CHRNA3: variants seen among roughly 807,000 people sequenced by gnomAD.
CHRNA3 encodes cholinergic receptor nicotinic alpha 3 subunit.
A neutral mutation model predicts 41.9 loss-of-function variants in CHRNA3; 34 were observed. The ratio of observed to expected loss-of-function variants is 0.81; its 90% CI spans 0.62 to 1.08. CHRNA3 has a LOEUF of 1.08. Ranked by LOEUF, CHRNA3 falls within the 50% of genes least tolerant of loss-of-function variation. The pLI is 0.00. For synonymous variants in CHRNA3, 281 were observed against 265.2 expected, an observed-to-expected ratio of 1.06 and a Z score of -0.58; for missense variants, 542 against 638.3, an observed-to-expected ratio of 0.85 and a Z score of 1.63.
chr15:78,608,858 T>A (rs1339473085), intron 4 of CHRNA3, among the ~76,000 whole-genome samples: 1 of 152,066 alleles, frequency 6.6e-6, no homozygotes, highest in Non-Finnish European at 1.5e-5. Context: ...AATGGATAAC[T>A]AGAATAACCA....
chr15:78,614,153 T>C (rs1204070943), intron 4 of CHRNA3, among the ~76,000 whole-genome samples: 1 of 152,218 alleles, frequency 6.6e-6, no homozygotes, highest in Non-Finnish European at 1.5e-5. Flanking sequence ...TCATTATTGC[T>C]AAAATCATAA....
chr15:78,608,866 C>T (rs1270375217), intron 4 of CHRNA3, among the ~76,000 whole-genome samples: 2 of 152,088 alleles, frequency 1.3e-5, no homozygotes, highest in African/African-American at 2.4e-5. Context: ...ACTAGAATAA[C>T]CAATGCAGAG....
chr15:78,595,552 G>T lies in CHRNA3; in HGVS notation c.*1052C>A, dbSNP rs1303048442. On this transcript the variant is annotated 3_prime_UTR_variant, in exon 6 of 6. Coordinates refer to ENST00000326828, the MANE Select transcript of CHRNA3 (RefSeq NM_000743.5). ...TGGTGAAGAAGCAAGGTATGTCATT[G>T]GCATCTAGTGAGTTGAGGCTAGGGT... 1 of 233,442 alleles carries T rather than the reference G, an allele frequency of 4.3e-6. No individual in the cohort carries two copies. The highest frequency in any genetic ancestry group is 7.0e-6 in the Non-Finnish European group (1 of 142,638). The allele number at this position is 233,442 out of a possible 1,614,324, so 14.5% of individuals were successfully genotyped here.
chr15:78,601,090 G>A (rs1207228188), intron 5 of CHRNA3, among the ~76,000 whole-genome samples, 163 bp downstream of exon 5: 1 of 152,016 alleles, frequency 6.6e-6, no homozygotes, highest in Non-Finnish European at 1.5e-5. Flanking sequence ...CAGGCTCAGA[G>A]AGGTGAGGTA....
intron 3 of CHRNA3, chr15:78,618,404 T>G: frequency 1.7e-6 from 1 of 576,600 alleles, no homozygotes; most frequent in Non-Finnish European, 3.1e-6. Flanking sequence ...ATCTGGGACT[T>G]GAGGGGTTGG....
At position 78,616,067 on chromosome 15, in the gene CHRNA3, A is replaced by C. The variant is rs542922292; in HGVS notation, c.377+957T>G. On this transcript the variant is annotated intron_variant, in intron 4 of 5. Coordinates refer to ENST00000326828, the MANE Select transcript of CHRNA3 (RefSeq NM_000743.5). ...AAACACCTGTATTTTTAAAAAGCTCATTGGGGCTGGGCATGGTGGCTCATG... is the reference window on the plus strand; with the variant it reads ...AAACACCTGTATTTTTAAAAAGCTCCTTGGGGCTGGGCATGGTGGCTCATG... Among the ~76,000 whole-genome samples, 164 of 103,604 alleles carry C rather than the reference A, an allele frequency of 1.6e-3. 2 individuals are homozygous for C. The highest frequency in any genetic ancestry group is 5.6e-3 in the African/African-American group (153 of 27,100). The allele number at this position is 103,604 out of a possible 152,430, so 68.0% of individuals were successfully genotyped here.
At chr15:78,614,975 C>T (rs2053439362) in intron 4 of CHRNA3, among the ~76,000 whole-genome samples, 1 of 152,070 alleles carries the variant, frequency 6.6e-6, no homozygotes, top group African/African-American at 2.4e-5. Flanking sequence ...GGAGAGGCCT[C>T]CCAAAACTGG....
Position 78,602,120 on chromosome 15 carries a change from G to A in CHRNA3, c.522C>T (p.Thr174=). ...CGTAGGACCAGGAACCGAACTTCAT[G>A]GTACAGTTTTGGTAATCAAACGGGA... is the stretch of plus-strand genomic sequence containing the variant. ...TYFPFDYQNC[T]MKFGSWSYDK... Residue 174 remains threonine (T), a synonymous_variant, in exon 5 of 6, where the codon ACC becomes ACT. Transcript: ENST00000326828. 6.2e-7 allele frequency: 1 copy of A among 1,614,164 alleles called. No individual in the cohort carries two copies.
chr15:78,606,899 C>CA (rs991300504), intron 4 of CHRNA3, among the ~76,000 whole-genome samples: 1 of 151,504 alleles, frequency 6.6e-6, no homozygotes, highest in Non-Finnish European at 1.5e-5. Flanking sequence ...CAAAACAAAA[C>CA]AAAAAACACA....
chr15:78,602,080 C>A lies in CHRNA3; in HGVS notation c.562G>T (p.Asp188Tyr), dbSNP rs759225098. 3.1e-6 allele frequency: 5 copies of A among 1,614,122 alleles called. No homozygotes were observed. In the South Asian group the frequency reaches 4.4e-5, roughly 14 times the overall value. The change falls in exon 5 of 6, where the codon GAT becomes TAT. Residue 188 changes from aspartate to tyrosine, a missense_variant. Transcript: ENST00000326828. Reference sequence around the variant, plus strand: ...ATGGAAGAGCCGATCAGGACCAGATCGATTTTCGCCTTATCGTAGGACCAG... The same window carrying A: ...ATGGAAGAGCCGATCAGGACCAGATAGATTTTCGCCTTATCGTAGGACCAG... ...GSWSYDKAKIDLVLIGSSMNL... is the reference protein window; with the variant it reads ...GSWSYDKAKIYLVLIGSSMNL...
rs2053100791 is a variant in CHRNA3 at position 78,595,952 on chromosome 15, C to T, written c.*652G>A. The T allele has an allele frequency of 1.4e-6, 1 of 717,020 alleles. No individual in the cohort carries two copies. The highest frequency in any genetic ancestry group is 1.7e-6 in the Non-Finnish European group (1 of 586,200). 44.4% of individuals were successfully genotyped at this position (717,020 alleles called of 1,614,324 possible). On this transcript the variant is annotated 3_prime_UTR_variant, in exon 6 of 6. Transcript: ENST00000326828. ...ATTTGCTGGTGCCTTGACCTTGGAC[C>T]TCCCAACCTCCAAAACTGAGAAGTT...
intron 5 of CHRNA3, 115 bp from the exon 6 acceptor site, chr15:78,596,847 T>G: frequency 2.1e-6 from 3 of 1,407,020 alleles, no homozygotes; most frequent in Non-Finnish European, 2.8e-6. Flanking sequence ...GTCTCTAATA[T>G]GTAAGAAGCC....
At position 78,601,327 on chromosome 15, in the gene CHRNA3, G is replaced by C. The variant is rs993219419; in HGVS notation, c.1315C>G (p.Pro439Ala). ...CTTTGGATGGCTTCTTTGATTTCTG[G>C]TGACAAAGCAGAGAGGGACAGCACA... The part of the protein sequence containing the change: ...DAVLSLSALS[P>A]EIKEAIQSVK... The change falls in exon 5 of 6, where the codon CCA becomes GCA. Residue 439 changes from proline (P) to alanine (A), a missense_variant. Physicochemically the swap from Pro to Ala is conservative, Grantham distance 27 (BLOSUM62 -1). Transcript: ENST00000326828. The C allele has an allele frequency of 6.2e-7, 1 of 1,614,000 alleles. No homozygotes were observed. The highest frequency in any genetic ancestry group is 1.3e-5 in the African/African-American group (1 of 74,882).
intron 4 of CHRNA3, among the ~76,000 whole-genome samples, chr15:78,613,829 C>A (rs371469249): frequency 6.6e-6 from 1 of 151,142 alleles, no homozygotes; most frequent in East Asian, 1.9e-4. Flanking sequence ...GCCTGTAGTC[C>A]CAGCTACTTG....
rs908389436 is a variant in CHRNA3, at chr15:78,620,882, G to T, written c.-88C>A. ...CGGCCTCTCCCCGCGCGGCTCCAGC[G>T]CAGACCCCAGACCTGGAGCCGTGCG... On this transcript the variant is annotated 5_prime_UTR_variant, in exon 1 of 6. An upstream open reading frame in the 5' UTR gains an earlier in-frame stop. Transcript: ENST00000326828. 1.5e-5 allele frequency: 19 copies of T among 1,304,440 alleles called. No homozygotes were observed. The African/African-American group carries it at 2.3e-4, about 16-fold the overall frequency. 80.8% of individuals were successfully genotyped at this position (1,304,440 alleles called of 1,614,324 possible).
chr15:78,619,563 G>C (rs769928638), intron 1 of CHRNA3, among the ~76,000 whole-genome samples: 5 of 151,900 alleles, frequency 3.3e-5, no homozygotes, highest in Non-Finnish European at 7.4e-5. Context: ...CCACCCTGTA[G>C]GGGTGGCCAC....
intron 5 of CHRNA3, among the ~76,000 whole-genome samples, chr15:78,599,426 G>C (rs1020561674): frequency 2.0e-5 from 3 of 152,050 alleles, no homozygotes; most frequent in Admixed American, 6.5e-5. Context: ...AACTGGGAAG[G>C]TGTGGCCAGA....
intron 4 of CHRNA3, among the ~76,000 whole-genome samples, chr15:78,614,790 A>C (rs533125541): frequency 1.3e-5 from 2 of 152,374 alleles, no homozygotes; most frequent in South Asian, 4.1e-4. Context: ...CAATACCCAG[A>C]GAACTAACTA....
At chr15:78,612,912 T>C (rs1411268747) in intron 4 of CHRNA3, among the ~76,000 whole-genome samples, 6 of 151,530 alleles carry the variant, frequency 4.0e-5, no homozygotes, top group Admixed American at 1.3e-4. Context: ...GGGTGAAGGA[T>C]ATGAACAGAC....
Sources: gnomAD v4.1 joint callset for allele counts (sites outside exome capture counted in the v4.1 genomes callset) on GRCh38, gnomAD v4.1.1 for gene constraint, MANE v1.5 for transcripts, NCBI Gene and HGNC (gene_info 2026-07-23, HGNC 2026-07-21) for gene names.